Variants in BRME1 observed in about 807,000 individuals in gnomAD.
BRME1 encodes break repair meiotic recombinase recruitment factor 1.
A neutral mutation model predicts 52.6 loss-of-function variants in BRME1; 31 were observed. That is an observed-to-expected ratio of 0.59 (90% confidence interval 0.44 to 0.80). The LOEUF is 0.80. BRME1 is among the 30% of genes least tolerant of loss of function. The pLI is 0.00. For missense variants in BRME1, 804 were observed against 860.3 expected (o/e 0.93, Z 0.82); for synonymous variants, 359 against 353.6 (o/e 1.02, Z -0.17).
At chr19:13,904,757 A>G in intron 2 of BRME1, 105 bp downstream of exon 2, 1 of 1,219,788 alleles carries the variant, frequency 8.2e-7, no homozygotes, top group Non-Finnish European at 1.2e-6. Flanking sequence ...GCTTCCTTTT[A>G]AGGAGGTTAA....
intron 5 of BRME1, 96 bp from the exon 6 acceptor site, chr19:13,890,558 G>T: frequency 1.6e-6 from 2 of 1,249,316 alleles, no homozygotes; most frequent in East Asian, 2.7e-5. Context: ...TGCGGGTTTT[G>T]TCATTACTTT....
rs1969804513 is a variant in BRME1 at position 13,895,384 on chromosome 19, T to C, written c.194A>G (p.Lys65Arg). Residue 65 changes from lysine to arginine, a missense_variant, in exon 3 of 9, where the codon AAG becomes AGG. Physicochemically the swap from Lys to Arg is conservative, Grantham distance 26. Transcript: ENST00000586783. The stretch of plus-strand genomic sequence containing the variant: ...CAGAGCCACCTACCTGGAGACGGCC[T>C]TTCCTGGTTCCTCCCCGTGCTGCTG... ...STQQHGEEPG[K>R]AVSSSPDEET... The C allele has an allele frequency of 6.2e-7, 1 of 1,613,042 alleles. No individual in the cohort carries two copies. Among genetic ancestry groups the C allele is most frequent in the Admixed American group, 1.7e-5 (1 of 59,854 alleles).
rs564574142 is a variant in BRME1, at chr19:13,882,858, G to C, written c.1951C>G (p.Pro651Ala). 3 of 1,614,106 alleles carry C rather than the reference G, an allele frequency of 1.9e-6. No homozygotes were observed. The highest frequency in any genetic ancestry group is 2.2e-5 in the South Asian group (2 of 91,076). The change falls in exon 9 of 9, where the codon CCT becomes GCT. Residue 651 changes from proline (P) to alanine (A), a missense_variant. Physicochemically the swap from Pro to Ala is conservative, Grantham distance 27. Around this residue, in one of 3 missense-constraint regions of BRME1, gnomAD observed 552 missense variants for 561.1 expected, o/e 0.98. Coordinates refer to ENST00000586783, the MANE Select transcript of BRME1 (RefSeq NM_001345843.2). ...KLGGKAPLPY[P>A]SKGPGNIPRG... The stretch of plus-strand genomic sequence containing the variant: ...GGGATATTCCCAGGCCCCTTGGAAG[G>C]GTAAGGCAGGGGGGCTTTGCCTCCC...
intron 5 of BRME1, among the ~76,000 whole-genome samples, chr19:13,892,060 A>C (rs1212399680): frequency 1.4e-5 from 2 of 145,090 alleles, no homozygotes; most frequent in Admixed American, 1.3e-4. Flanking sequence ...GCGATAAGCA[A>C]GACTCCATCT....
At chr19:13,889,017 G>A (rs1021354641) in intron 6 of BRME1, among the ~76,000 whole-genome samples, 171 bp downstream of exon 6, 5 of 150,522 alleles carry the variant, frequency 3.3e-5, no homozygotes, top group African/African-American at 9.8e-5. Context: ...GAAAACCACC[G>A]ACTCCACACC....
In BRME1 at chr19:13,904,907, G is replaced by C. The variant is rs776312357; in HGVS notation, c.-15C>G. On this transcript the variant is annotated 5_prime_UTR_variant, in exon 2 of 9. Coordinates refer to ENST00000586783, the MANE Select transcript of BRME1 (RefSeq NM_001345843.2). ...CTCTTAGTCATTTTATCTTCCCCTT[G>C]AGAAATCTGAAAACAAGCAAAATCT... The C allele has an allele frequency of 1.6e-5, 26 of 1,612,552 alleles. No individual in the cohort carries two copies. The highest frequency in any genetic ancestry group is 2.1e-5 in the Non-Finnish European group (25 of 1,178,890).
In BRME1 at chr19:13,889,763, C is replaced by T. The variant is rs752721234; in HGVS notation, c.1093G>A (p.Ala365Thr). The T allele has an allele frequency of 1.2e-5, 19 of 1,610,856 alleles. No individual in the cohort carries two copies. In the South Asian group the frequency reaches 2.1e-4, roughly 18 times the overall value. Residue 365 changes from alanine (A) to threonine (T), a missense_variant, in exon 6 of 9, where the codon GCC becomes ACC. Physicochemically the swap from Ala to Thr is moderately conservative, Grantham distance 58. Coordinates refer to ENST00000586783, the MANE Select transcript of BRME1 (RefSeq NM_001345843.2). ...CTCCTGGGAGAGGCAGGTGATATGG[C>T]ACTGGCCTGCCCATCGGGCCCAGCC... is the stretch of plus-strand genomic sequence containing the variant. ...EVAGPDGQAS[A>T]ISPASPRRKA...
chr19:13,893,507 C>A (rs1352728266), intron 3 of BRME1, among the ~76,000 whole-genome samples: 1 of 151,128 alleles, frequency 6.6e-6, no homozygotes, highest in East Asian at 1.9e-4. Context: ...TGCATTCCAG[C>A]CTAGGTGAGA....
chr19:13,900,202 GA>G (rs144918194), intron 2 of BRME1, among the ~76,000 whole-genome samples: 1,569 of 152,230 alleles, frequency 0.01, 27 homozygotes, highest in African/African-American at 0.036. Flanking sequence ...ACTAATTTAA[GA>G]AAAAATAAGG....
intron 5 of BRME1, among the ~76,000 whole-genome samples, chr19:13,892,477 C>G (rs113131192): frequency 0.014 from 2,097 of 152,092 alleles, 47 homozygotes; most frequent in African/African-American, 0.048. Flanking sequence ...ATCCCAGCTA[C>G]TTGGGAGGCT....
intron 2 of BRME1, among the ~76,000 whole-genome samples, chr19:13,903,927 T>A (rs1268613238): frequency 6.6e-6 from 1 of 152,026 alleles, no homozygotes; most frequent in East Asian, 1.9e-4. Context: ...TTGTAGTACA[T>A]CAAGCATTAT....
At chr19:13,887,405 C>T (rs369396187) in intron 6 of BRME1, among the ~76,000 whole-genome samples, 34 of 152,322 alleles carry the variant, frequency 2.2e-4, no homozygotes, top group Non-Finnish European at 3.8e-4. Context: ...GGAAAGGCTG[C>T]TAATGCTGGT....
chr19:13,883,008 G>C lies in BRME1; in HGVS notation c.1857-56C>G. 4 of 1,578,290 alleles carry C rather than the reference G, an allele frequency of 2.5e-6. No homozygotes were observed. Among genetic ancestry groups the C allele is most frequent in the Non-Finnish European group, 3.4e-6 (4 of 1,163,910 alleles). On this transcript the variant is annotated intron_variant, in intron 8 of 8. Coordinates refer to ENST00000586783, the MANE Select transcript of BRME1 (RefSeq NM_001345843.2). This position sits in a 1 kb window ranked among gnomAD's most constrained non-coding sequence, Gnocchi z 4.2. Reference sequence around the variant, plus strand: ...GCTCAGTGGTCACCAGGTGACAGAGGGGGCCGCGCCTCACAGCCACATGGT... The same window carrying C: ...GCTCAGTGGTCACCAGGTGACAGAGCGGGCCGCGCCTCACAGCCACATGGT...
intron 7 of BRME1, among the ~76,000 whole-genome samples, chr19:13,884,649 G>A (rs1319451290): frequency 2.7e-5 from 4 of 149,004 alleles, no homozygotes; most frequent in Non-Finnish European, 5.9e-5. Flanking sequence ...AAAAAATCAC[G>A]GAAGAGCCAA....
intron 6 of BRME1, among the ~76,000 whole-genome samples, chr19:13,887,607 CCA>C (rs1406649372): frequency 1.3e-5 from 2 of 152,220 alleles, no homozygotes; most frequent in African/African-American, 4.8e-5. Flanking sequence ...ACTCACGAGA[CCA>C]CAGACTGGAG....
At position 13,890,298 on chromosome 19, in the gene BRME1, A is replaced by C. The variant is rs775885327; in HGVS notation, c.558T>G (p.Ser186Arg). ...GAGGGTCATCAGGCTGAGAATCCCC[A>C]CTGCCGGGCACCGCCTGCACAGGGC... ...SQSPVQAVPG[S>R]GDSQPDDPPD... is the part of the protein sequence containing the mutation. The change falls in exon 6 of 9, where the codon AGT becomes AGG. Residue 186 changes from serine (S) to arginine (R), a missense_variant. By Grantham distance (110) the Ser-to-Arg change is moderately radical. This residue lies in a region of BRME1 where 234 missense variants were observed against 258.1 expected (regional missense o/e 0.91). Transcript: ENST00000586783. 1 of 1,609,908 alleles carries C rather than the reference A, an allele frequency of 6.2e-7. No individual in the cohort carries two copies. Among genetic ancestry groups the C allele is most frequent in the Non-Finnish European group, 8.5e-7 (1 of 1,177,846 alleles).
At chr19:13,887,050 G>GT (rs1969083750) in intron 6 of BRME1, among the ~76,000 whole-genome samples, 1 of 152,236 alleles carries the variant, frequency 6.6e-6, no homozygotes, top group Non-Finnish European at 1.5e-5. Context: ...CTATGAGAAA[G>GT]TAACACCAAA....
rs766546821 is a variant in BRME1, at chr19:13,889,287, G to A, written c.1569C>T (p.Gly523=). The change falls in exon 6 of 9, where the codon GGC becomes GGT. Residue 523 remains glycine, a synonymous_variant. Coordinates refer to ENST00000586783, the MANE Select transcript of BRME1 (RefSeq NM_001345843.2). ...CCACAGCTAAAGAGTCTGCCCAGGT[G>A]CCCTGGTCTGCAGAATGAGGCAGGT... ...RDHLPHSADQ[G]TWADSLAVEL... is the part of the protein sequence containing the mutation. 17 of 1,614,014 alleles carry A rather than the reference G, an allele frequency of 1.1e-5. No individual in the cohort carries two copies. In the African/African-American group the frequency reaches 1.5e-4, roughly 14 times the overall value.
chr19:13,892,860 C>T lies in BRME1; in HGVS notation c.319G>A (p.Ala107Thr). The T allele has an allele frequency of 3.1e-6, 5 of 1,614,160 alleles. No homozygotes were observed. The highest frequency in any genetic ancestry group is 4.2e-6 in the Non-Finnish European group (5 of 1,179,972). ...CTTGTCACTGTCTTCCTGGATTTTG[C>T]AAACTGGGGAACAAACCTCCCGAAT... is the stretch of plus-strand genomic sequence containing the variant. Reference protein sequence around the residue: ...NSFGRFVPQFAKSRKTVTRKE... With the variant: ...NSFGRFVPQFTKSRKTVTRKE... Residue 107 changes from alanine (A) to threonine (T), a missense_variant, in exon 5 of 9, where the codon GCA becomes ACA. Ala to Thr is a moderately conservative substitution (Grantham distance 58). This residue lies in a region of BRME1 where 234 missense variants were observed against 258.1 expected (regional missense o/e 0.91). Transcript: ENST00000586783.
Sources: gnomAD v4.1 joint callset for allele counts (sites outside exome capture counted in the v4.1 genomes callset) on GRCh38, gnomAD v4.1.1 for gene constraint, gnomAD v4.1.1 regional missense constraint, Gnocchi (gnomAD v3.1) non-coding constraint, MANE v1.5 for transcripts, NCBI Gene and HGNC (gene_info 2026-07-23, HGNC 2026-07-21) for gene names.